The following ZNF860 variants were observed in gnomAD, a reference collection of about 807,000 sequenced individuals.
The protein encoded by ZNF860 is zinc finger protein 860.
For missense variants in ZNF860, 641 were observed against 759.2 expected (o/e 0.84, Z 1.83); for synonymous variants, 206 against 248.9 (o/e 0.83, Z 1.62).
the ZNF860 span, among the ~76,000 whole-genome samples, chr3:32,000,001 A>G: frequency 3.7e-3 from 567 of 152,292 alleles, 5 homozygotes; most frequent in African/African-American, 0.013. Flanking sequence ...GGCCTCAGCT[A>G]TAACAGGGAG....
At chr3:31,986,148 A>G (rs1434500513) in intron 1 of ZNF860, 1 of 152,126 alleles carries the variant, frequency 6.6e-6, no homozygotes, top group African/African-American at 2.4e-5. Context: ...TCTCATTACC[A>G]CTCTGAGAGA....
intron 1 of ZNF860, among the ~76,000 whole-genome samples, chr3:31,987,523 G>A (rs1159040350): frequency 6.6e-6 from 1 of 152,228 alleles, no homozygotes; most frequent in Non-Finnish European, 1.5e-5. Flanking sequence ...CCCCCGGAAA[G>A]TCTGAACCAA....
intron 1 of ZNF860, among the ~76,000 whole-genome samples, chr3:31,985,583 G>A (rs572229418): frequency 1.3e-3 from 204 of 152,302 alleles, no homozygotes; most frequent in African/African-American, 4.6e-3. Context: ...TAGTTAGAAA[G>A]CCTTAGGAGG....
chr3:32,003,802 G>A, the ZNF860 span, among the ~76,000 whole-genome samples: 4 of 152,176 alleles, frequency 2.6e-5, no homozygotes, highest in Non-Finnish European at 2.9e-5. Flanking sequence ...TGCCAAGGCT[G>A]TCCCTGGAGG....
chr3:31,986,820 C>T (rs962042691), intron 1 of ZNF860, among the ~76,000 whole-genome samples: 3 of 152,056 alleles, frequency 2.0e-5, no homozygotes, highest in African/African-American at 7.2e-5. Flanking sequence ...GCCTGGGCAA[C>T]CTGGAGAGAC....
chr3:32,003,368 A>C, the ZNF860 span, among the ~76,000 whole-genome samples: 1 of 152,210 alleles, frequency 6.6e-6, no homozygotes, highest in African/African-American at 2.4e-5. Context: ...AGTTCCCCCG[A>C]GGTTTCCTAA....
Position 31,990,955 on chromosome 3 carries a change from A to G in ZNF860, c.1876A>G (p.Lys626Glu). ...CGGACAGAAATCTTACAAATGTCATAAGCGTGGCAAGGTCTTCAGTTAGAG... is the reference window on the plus strand; with the variant it reads ...CGGACAGAAATCTTACAAATGTCATGAGCGTGGCAAGGTCTTCAGTTAGAG... ...HTGQKSYKCH[K>E]RGKVFS The change falls in exon 2 of 2, where the codon AAG becomes GAG. Residue 626 changes from lysine to glutamate, a missense_variant. By Grantham distance (56) the Lys-to-Glu change is moderately conservative. Coordinates refer to ENST00000360311, the MANE Select transcript of ZNF860 (RefSeq NM_001137674.3). 1 of 1,574,316 alleles carries G rather than the reference A, an allele frequency of 6.4e-7. No homozygotes were observed. The highest frequency in any genetic ancestry group is 8.6e-7 in the Non-Finnish European group (1 of 1,158,968).
chr3:31,999,972 T>C, the ZNF860 span, among the ~76,000 whole-genome samples: 2 of 152,136 alleles, frequency 1.3e-5, no homozygotes, highest in African/African-American at 4.8e-5. Context: ...TCCCTTTGAC[T>C]TTAAATATCT....
intron 1 of ZNF860, among the ~76,000 whole-genome samples, chr3:31,987,082 TTATATATGTATGTCCA>T (rs1437305664): frequency 6.6e-5 from 10 of 150,918 alleles, no homozygotes; most frequent in Non-Finnish European, 1.5e-4. Flanking sequence ...ATATATACTT[TTATATATGTATGTCCA>T]TATATATGTA....
Position 31,990,031 on chromosome 3 carries a change from G to C in ZNF860, c.952G>C (p.Glu318Gln). The change falls in exon 2 of 2, where the codon GAA (glutamate) becomes CAA (glutamine). Residue 318 changes from glutamate (E) to glutamine (Q), a missense_variant. Transcript: ENST00000360311. ...HTGEKPYKCEECDKVFSRKSN... is the reference protein window; with the variant it reads ...HTGEKPYKCEQCDKVFSRKSN... ...TGGAGAGAAACCTTACAAATGTGAA[G>C]AATGTGACAAAGTTTTTAGTCGCAA... 1.2e-6 allele frequency: 2 copies of C among 1,614,130 alleles called. No individual in the cohort carries two copies. The highest frequency in any genetic ancestry group is 1.7e-6 in the Non-Finnish European group (2 of 1,179,992).
At chr3:31,994,038 A>G (rs1699063534), downstream of ZNF860, among the ~76,000 whole-genome samples, 1 of 152,238 alleles carries the variant, frequency 6.6e-6, no homozygotes, top group South Asian at 2.1e-4. Context: ...ATAAATGAGT[A>G]CTCAGCAATA....
chr3:31,981,825 C>G lies in ZNF860; in HGVS notation c.-498C>G, dbSNP rs1212373484. The G allele has an allele frequency of 6.6e-6, 1 of 152,218 alleles. No individual in the cohort carries two copies. The highest frequency in any genetic ancestry group is 1.5e-5 in the Non-Finnish European group (1 of 68,072). 9.4% of individuals were successfully genotyped at this position (152,218 alleles called of 1,614,324 possible). ...TACACAGTAACCTGGAAATTATCAC[C>G]GGCGGAGCAAAGTCACAGCTCAGGG... On this transcript the variant is annotated 5_prime_UTR_variant, in exon 1 of 2. Coordinates refer to ENST00000360311, the MANE Select transcript of ZNF860 (RefSeq NM_001137674.3). The surrounding 1 kb of genome is among the most constrained non-coding windows in gnomAD (Gnocchi z 4.5).
intron 1 of ZNF860, among the ~76,000 whole-genome samples, chr3:31,987,817 C>T (rs150823767): frequency 1.3e-3 from 205 of 152,324 alleles, no homozygotes; most frequent in African/African-American, 4.7e-3. Context: ...AAGACCTATA[C>T]TTCACACTTT....
the ZNF860 span, among the ~76,000 whole-genome samples, chr3:31,999,981 C>T: frequency 1.3e-5 from 2 of 152,144 alleles, no homozygotes; most frequent in Admixed American, 1.3e-4. Context: ...CTTTAAATAT[C>T]TAGTGGTGCG....
intron 1 of ZNF860, among the ~76,000 whole-genome samples, chr3:31,982,234 C>T (rs1698865350): frequency 6.6e-6 from 1 of 152,116 alleles, no homozygotes; most frequent in African/African-American, 2.4e-5. Flanking sequence ...CTTCTGCGCC[C>T]CTCTTCCTAC....
the ZNF860 span, among the ~76,000 whole-genome samples, chr3:32,000,017 C>T: frequency 9.9e-5 from 15 of 152,064 alleles, no homozygotes; most frequent in Admixed American, 9.8e-4. Context: ...GGGAGATGAT[C>T]TTTGCCACAA....
At chr3:31,994,952 AC>A (rs1402770649), downstream of ZNF860, among the ~76,000 whole-genome samples, 2 of 152,190 alleles carry the variant, frequency 1.3e-5, no homozygotes, top group Admixed American at 1.3e-4. Flanking sequence ...TATTGGTAGG[AC>A]CATGATGCCC....
rs181380602 is a variant in ZNF860, at chr3:31,991,508, C to T, written c.*530C>T. On this transcript the variant is annotated 3_prime_UTR_variant, in exon 2 of 2. Coordinates refer to ENST00000360311, the MANE Select transcript of ZNF860 (RefSeq NM_001137674.3). ...CTAAATATTTCTTACTGTAAGTTCT[C>T]TAGCAAATGGAAGTGTTTTCTTAAT... 8.0e-4 allele frequency: 134 copies of T among 166,936 alleles called. No homozygotes were observed. Among genetic ancestry groups the T allele is most frequent in the Admixed American group, 4.4e-3 (68 of 15,286 alleles). 10.3% of individuals were successfully genotyped at this position (166,936 alleles called of 1,614,324 possible). A position where few individuals can be genotyped will look rare whatever the true frequency, so the allele number is the denominator to read the frequency against.
At chr3:32,004,780 A>C in the ZNF860 span, among the ~76,000 whole-genome samples, 1 of 152,274 alleles carries the variant, frequency 6.6e-6, no homozygotes, top group South Asian at 2.1e-4. Flanking sequence ...TGTATGGCTT[A>C]GCCTCTAAAA....
Sources: allele counts gnomAD v4.1 joint callset (sites outside exome capture counted in the v4.1 genomes callset), GRCh38; gene constraint gnomAD v4.1.1; non-coding constraint Gnocchi (gnomAD v3.1); transcripts MANE v1.5; gene names NCBI Gene and HGNC (gene_info 2026-07-23, HGNC 2026-07-21).